Variants in ISM1 observed in about 807,000 individuals in gnomAD.
ISM1 encodes the protein isthmin-1.
ISM1 carries 25 observed loss-of-function variants against 46.3 expected under a neutral mutation model. That is an observed-to-expected ratio of 0.54 (90% confidence interval 0.39 to 0.75). The LOEUF (loss-of-function observed/expected upper bound fraction) is 0.75. Among genes scored for constraint, ISM1 ranks in the 30% least tolerant of loss-of-function variants. The pLI, the probability that ISM1 is intolerant of heterozygous loss-of-function variation, is 0.00. For synonymous variants in ISM1, 255 were observed against 256.7 expected (o/e 0.99, Z 0.06); for missense variants, 536 against 625.4 (o/e 0.86, Z 1.52).
At chr20:13,324,687 C>T in the ISM1 span, among the ~76,000 whole-genome samples, 1 of 152,194 alleles carries the variant, frequency 6.6e-6, no homozygotes, top group African/African-American at 2.4e-5. Context: ...CTTCACACCG[C>T]TTTCAATTTT....
intron 2 of ISM1, among the ~76,000 whole-genome samples, chr20:13,275,523 GCAC>G (rs1366869765): frequency 6.6e-5 from 10 of 152,304 alleles, no homozygotes; most frequent in Admixed American, 6.5e-4. Context: ...TTGGGATCAG[GCAC>G]CACCATTTAG....
chr20:13,226,340 T>C (rs1367449437), intron 1 of ISM1, among the ~76,000 whole-genome samples: 1 of 152,166 alleles, frequency 6.6e-6, no homozygotes, highest in South Asian at 2.1e-4. Flanking sequence ...TACAAGAAAG[T>C]CAATAGCCAT....
intron 5 of ISM1, among the ~76,000 whole-genome samples, chr20:13,293,970 A>G (rs1209598946): frequency 6.6e-6 from 1 of 151,754 alleles, no homozygotes; most frequent in Non-Finnish European, 1.5e-5. Flanking sequence ...GTGAAACTCC[A>G]TCTCAAAAAA....
the ISM1 span, among the ~76,000 whole-genome samples, chr20:13,309,120 T>A: frequency 6.6e-6 from 1 of 152,130 alleles, no homozygotes; most frequent in Non-Finnish European, 1.5e-5. Flanking sequence ...AATTTAAAAC[T>A]CACAATGCAA....
intron 2 of ISM1, among the ~76,000 whole-genome samples, chr20:13,275,480 G>A (rs1451280372): frequency 6.6e-6 from 1 of 152,202 alleles, no homozygotes; most frequent in Non-Finnish European, 1.5e-5. Flanking sequence ...ATGGGGTACT[G>A]CTGCCAATAT....
At chr20:13,276,591 G>GA (rs2040182686) in intron 2 of ISM1, among the ~76,000 whole-genome samples, 2 of 152,068 alleles carry the variant, frequency 1.3e-5, no homozygotes. Flanking sequence ...AAGTCCAGAA[G>GA]AAAAAAATAT....
At chr20:13,285,637 C>T (rs1162987647) in intron 3 of ISM1, among the ~76,000 whole-genome samples, 1 of 152,174 alleles carries the variant, frequency 6.6e-6, no homozygotes, top group Non-Finnish European at 1.5e-5. Context: ...ATCCCATTGG[C>T]CAAAGCAAGT....
Position 13,221,722 on chromosome 20 carries a change from A to G in ISM1, c.-55A>G, listed in dbSNP as rs559328962. ...CTCCTACTCCTCCTCCCCCGGCGTC[A>G]CCGCCGCCGCCGCCGGCCGCCGCGC... On this transcript the variant is annotated 5_prime_UTR_variant, in exon 1 of 6. Coordinates refer to ENST00000262487, the MANE Select transcript of ISM1 (RefSeq NM_080826.2). 212 of 1,313,258 alleles carry G rather than the reference A, an allele frequency of 1.6e-4. No homozygotes were observed. In the African/African-American group the frequency reaches 2.8e-3, roughly 18 times the overall value. The allele number at this position is 1,313,258 out of a possible 1,614,324, so 81.4% of individuals were successfully genotyped here.
chr20:13,250,012 C>T (rs6109777), intron 1 of ISM1, among the ~76,000 whole-genome samples: 45,050 of 152,028 alleles, frequency 0.3, 7,000 homozygotes, highest in African/African-American at 0.41. Flanking sequence ...GGATTTCCAT[C>T]GATCGCTTCC....
At chr20:13,317,300 G>T in the ISM1 span, among the ~76,000 whole-genome samples, 2 of 119,060 alleles carry the variant, frequency 1.7e-5, no homozygotes, top group South Asian at 4.7e-4. Context: ...AGAAATCAAA[G>T]AAGTAAATAA....
At chr20:13,273,240 A>ATTTTATTT (rs1555813233) in intron 2 of ISM1, among the ~76,000 whole-genome samples, 1 of 149,668 alleles carries the variant, frequency 6.7e-6, no homozygotes, top group Non-Finnish European at 1.5e-5. Context: ...ATTTTATTTT[A>ATTTTATTT]TTTTATTTTA....
intron 1 of ISM1, among the ~76,000 whole-genome samples, chr20:13,265,363 TG>T (rs1555812140): frequency 3.9e-5 from 6 of 152,238 alleles, no homozygotes; most frequent in Non-Finnish European, 1.5e-5. Context: ...CTACCTCAAA[TG>T]GTAACAGTAG....
At chr20:13,297,045 A>G (rs1045447285) in intron 5 of ISM1, among the ~76,000 whole-genome samples, 1 of 152,094 alleles carries the variant, frequency 6.6e-6, no homozygotes, top group Non-Finnish European at 1.5e-5. Context: ...CGCCAAAAAA[A>G]AAGATGTATT....
chr20:13,271,731 C>T (rs1300421962), intron 2 of ISM1, among the ~76,000 whole-genome samples: 1 of 152,156 alleles, frequency 6.6e-6, no homozygotes, highest in Non-Finnish European at 1.5e-5. Context: ...AGAGGCTCAT[C>T]CCCCGGGCAA....
chr20:13,308,605 T>A, the ISM1 span, among the ~76,000 whole-genome samples: 1 of 152,114 alleles, frequency 6.6e-6, no homozygotes, highest in African/African-American at 2.4e-5. Context: ...AAATCAACCA[T>A]GTTAAGTTCA....
downstream of ISM1, among the ~76,000 whole-genome samples, chr20:13,300,898 A>G (rs148490557): frequency 6.6e-6 from 1 of 152,370 alleles, no homozygotes; most frequent in African/African-American, 2.4e-5. Context: ...AAGCCAAACC[A>G]GAGCAAAGGC....
chr20:13,270,079 C>A (rs1474011629), intron 1 of ISM1, among the ~76,000 whole-genome samples: 1 of 152,166 alleles, frequency 6.6e-6, no homozygotes, highest in Non-Finnish European at 1.5e-5. Flanking sequence ...TTGGTCAGAT[C>A]TTTTGCTCCA....
chr20:13,276,846 A>T (rs1441660263), intron 2 of ISM1, among the ~76,000 whole-genome samples: 1 of 152,232 alleles, frequency 6.6e-6, no homozygotes, highest in Admixed American at 6.5e-5. Flanking sequence ...AAGTCTTTTT[A>T]ATTGGATGCC....
At chr20:13,301,281 T>C (rs923179390), downstream of ISM1, among the ~76,000 whole-genome samples, 4 of 152,134 alleles carry the variant, frequency 2.6e-5, no homozygotes, top group Non-Finnish European at 5.9e-5. Flanking sequence ...TTCCGCCTCC[T>C]GAGTTCAAGC....
Sources: allele counts gnomAD v4.1 joint callset (sites outside exome capture counted in the v4.1 genomes callset), GRCh38; gene constraint gnomAD v4.1.1; transcripts MANE v1.5; gene names NCBI Gene and HGNC (gene_info 2026-07-23, HGNC 2026-07-21).